Variants in CEP63 observed in about 807,000 individuals in gnomAD.
The protein encoded by CEP63 is centrosomal protein of 63 kDa.
CEP63 carries 84 observed loss-of-function variants against 89.1 expected under a neutral mutation model. That is an observed-to-expected ratio of 0.94 (90% CI 0.79 to 1.13). The LOEUF is 1.13. CEP63 is among the 50% of genes most tolerant of loss of function. The pLI is 0.00. For missense variants in CEP63, 838 were observed against 813.3 expected, an observed-to-expected ratio of 1.03 and a Z score of -0.37; for synonymous variants, 267 against 272.5, an observed-to-expected ratio of 0.98 and a Z score of 0.20.
chr3:134,581,918 G>A (rs974202987), intron 10 of CEP63, among the ~76,000 whole-genome samples: 8 of 151,518 alleles, frequency 5.3e-5, no homozygotes, highest in East Asian at 4.0e-4. Flanking sequence ...CTCGTGATCC[G>A]CCCGCCTCGG....
intron 14 of CEP63, among the ~76,000 whole-genome samples, chr3:134,559,914 C>G (rs1057393862): frequency 6.6e-6 from 1 of 152,204 alleles, no homozygotes; most frequent in South Asian, 2.1e-4. Flanking sequence ...GACACCATGC[C>G]GGTCCCTTGC....
At chr3:134,552,798 A>G (rs1001691151) in intron 12 of CEP63, 9 of 152,242 alleles carry the variant, frequency 5.9e-5, no homozygotes, top group African/African-American at 2.2e-4. Flanking sequence ...AAGGACTTTT[A>G]GTAGGTGCTA....
At chr3:134,529,892 T>TTTTG (rs1949509649) in intron 3 of CEP63, among the ~76,000 whole-genome samples, 1 of 148,770 alleles carries the variant, frequency 6.7e-6, no homozygotes, top group Non-Finnish European at 1.5e-5. Flanking sequence ...TTTTTTTTTT[T>TTTTG]AGACGGGGTC....
At chr3:134,773,806 T>C in the CEP63 span, among the ~76,000 whole-genome samples, 2 of 152,130 alleles carry the variant, frequency 1.3e-5, no homozygotes, top group African/African-American at 4.8e-5. Flanking sequence ...CCAACAGTCA[T>C]CCTTCCTGTC....
chr3:134,629,710 G>A, the CEP63 span: 1 of 1,559,918 alleles, frequency 6.4e-7, no homozygotes, highest in Non-Finnish European at 8.7e-7. Context: ...AAAGGAAAAG[G>A]AGATGACATT....
chr3:134,600,817 G>GTTGTCCCCCAGGATGCCCTCACAGC, the CEP63 span: 2 of 152,266 alleles, frequency 1.3e-5, no homozygotes, highest in Non-Finnish European at 2.9e-5. Context: ...AACACACCAG[G>GTTGTCCCCCAGGATGCCCTCACAGC]TTGTCCCCCA....
At chr3:134,727,264 T>G in the CEP63 span, among the ~76,000 whole-genome samples, 1 of 152,222 alleles carries the variant, frequency 6.6e-6, no homozygotes, top group Non-Finnish European at 1.5e-5. Flanking sequence ...TTTTTCTCTC[T>G]CAATGTGAAC....
chr3:134,698,685 C>T, the CEP63 span, among the ~76,000 whole-genome samples: 2 of 152,224 alleles, frequency 1.3e-5, no homozygotes, highest in African/African-American at 2.4e-5. Context: ...TACATGACCT[C>T]AGGCTGCCCT....
chr3:134,639,975 A>G, the CEP63 span: 8 of 169,620 alleles, frequency 4.7e-5, no homozygotes, highest in Admixed American at 1.9e-4. Context: ...AAAAAAAAAA[A>G]AAAGAAAGAA....
the CEP63 span, among the ~76,000 whole-genome samples, chr3:134,778,229 C>G: frequency 6.6e-6 from 1 of 151,484 alleles, no homozygotes. Flanking sequence ...TCCCAAGTAG[C>G]TAGGATTACA....
intron 10 of CEP63, among the ~76,000 whole-genome samples, chr3:134,587,230 C>T (rs1043130492): frequency 3.4e-5 from 5 of 148,100 alleles, no homozygotes; most frequent in Non-Finnish European, 7.5e-5. Context: ...CAGTTTTTTT[C>T]CGTTGCTGGC....
At chr3:134,503,150 A>G (rs1942504079) in intron 2 of CEP63, among the ~76,000 whole-genome samples, 1 of 102,222 alleles carries the variant, frequency 9.8e-6, no homozygotes, top group East Asian at 2.8e-4. Flanking sequence ...GTAGGCATCT[A>G]TTGCTATAAA....
the CEP63 span, among the ~76,000 whole-genome samples, chr3:134,694,143 G>A: frequency 6.6e-6 from 1 of 152,178 alleles, no homozygotes; most frequent in Non-Finnish European, 1.5e-5. Flanking sequence ...GAAGGGCAGG[G>A]GGCTCTCAAT....
At chr3:134,723,602 A>T in the CEP63 span, among the ~76,000 whole-genome samples, 2 of 152,214 alleles carry the variant, frequency 1.3e-5, no homozygotes, top group South Asian at 4.1e-4. Context: ...AAAGCTGTGC[A>T]TGTGGGATTT....
chr3:134,507,336 A>G (rs753615863), intron 3 of CEP63, 50 bp downstream of exon 3: 4 of 1,350,790 alleles, frequency 3.0e-6, no homozygotes, highest in Non-Finnish European at 4.2e-6. Flanking sequence ...CTTGTCTTTT[A>G]TATTAAATGT....
chr3:134,556,941 T>G (rs1956294626), intron 12 of CEP63, among the ~76,000 whole-genome samples: 1 of 152,232 alleles, frequency 6.6e-6, no homozygotes, highest in Non-Finnish European at 1.5e-5. Context: ...GTGAAAACCT[T>G]GTCAGCAGTT....
chr3:134,508,557 G>A (rs1005722275), intron 3 of CEP63, among the ~76,000 whole-genome samples: 7 of 152,158 alleles, frequency 4.6e-5, no homozygotes, highest in African/African-American at 1.7e-4. Context: ...TTGATAAATA[G>A]ATTGTTTATT....
At chr3:134,603,948 G>A in the CEP63 span, 1 of 1,614,008 alleles carries the variant, frequency 6.2e-7, no homozygotes, top group Non-Finnish European at 8.5e-7. Context: ...GCCTCTTCTT[G>A]ACAAAGATCT....
Position 134,564,640 on chromosome 3 carries a change from G to A in CEP63, c.*3105G>A, listed in dbSNP as rs1957647698. The A allele has an allele frequency of 1.0e-6, 1 of 985,264 alleles. No individual in the cohort carries two copies. The highest frequency in any genetic ancestry group is 1.2e-6 in the Non-Finnish European group (1 of 829,906). 61.0% of individuals were successfully genotyped at this position (985,264 alleles called of 1,614,324 possible). On this transcript the variant is annotated 3_prime_UTR_variant, in exon 15 of 15. Coordinates refer to ENST00000675561, the MANE Select transcript of CEP63 (RefSeq NM_001353108.3). ...CAGTAAAACTGAAATAATATCTAAT[G>A]GGGTCGAGAAGATTTACTGAAAATA... is the stretch of plus-strand genomic sequence containing the variant.
Sources: allele counts gnomAD v4.1 joint callset (sites outside exome capture counted in the v4.1 genomes callset), GRCh38; gene constraint gnomAD v4.1.1; transcripts MANE v1.5; gene names NCBI Gene and HGNC (gene_info 2026-07-23, HGNC 2026-07-21).